ST8SIA2: variants seen among roughly 807,000 people sequenced by gnomAD.
ST8SIA2 encodes the protein ST8 alpha-N-acetyl-neuraminide alpha-2,8-sialyltransferase 2, also known as alpha-2,8-sialyltransferase 8B.
A neutral mutation model predicts 37.6 loss-of-function variants in ST8SIA2; 22 were observed. That is an observed-to-expected ratio of 0.58 (90% CI 0.42 to 0.83). The LOEUF is 0.83. Among genes scored for constraint, ST8SIA2 ranks in the 40% least tolerant of loss-of-function variants. ST8SIA2 has a pLI of 0.00. For synonymous variants in ST8SIA2, 205 were observed against 201.2 expected (o/e 1.02, Z -0.16); for missense variants, 382 against 484.7 (o/e 0.79, Z 1.99).
intron 1 of ST8SIA2, among the ~76,000 whole-genome samples, chr15:92,407,267 C>T (rs1014066851): frequency 6.6e-6 from 1 of 152,174 alleles, no homozygotes; most frequent in African/African-American, 2.4e-5. Flanking sequence ...AGCCTTTAGC[C>T]ATTAGCATAT....
intron 1 of ST8SIA2, among the ~76,000 whole-genome samples, chr15:92,419,739 C>G (rs968209347): frequency 6.6e-6 from 1 of 152,214 alleles, no homozygotes; most frequent in African/African-American, 2.4e-5. Flanking sequence ...CAACTTTTCA[C>G]TAGGTCCAGT....
At chr15:92,447,525 C>T (rs2049850871) in intron 5 of ST8SIA2, among the ~76,000 whole-genome samples, 1 of 152,154 alleles carries the variant, frequency 6.6e-6, no homozygotes, top group Non-Finnish European at 1.5e-5. Context: ...GTACAGACTC[C>T]CCACTGACTG....
intron 1 of ST8SIA2, among the ~76,000 whole-genome samples, chr15:92,401,850 C>T (rs1022487768): frequency 2.6e-5 from 4 of 151,712 alleles, no homozygotes; most frequent in Admixed American, 2.0e-4. Context: ...GATGAAAGAA[C>T]CCCTAGGTCA....
intron 1 of ST8SIA2, among the ~76,000 whole-genome samples, chr15:92,406,521 C>T (rs2049509067): frequency 6.6e-6 from 1 of 152,340 alleles, no homozygotes; most frequent in African/African-American, 2.4e-5. Context: ...CAGTAACAAG[C>T]CCCCAGGTGA....
At chr15:92,394,518 C>A (rs1034506690) in intron 1 of ST8SIA2, among the ~76,000 whole-genome samples, 2 of 151,882 alleles carry the variant, frequency 1.3e-5, no homozygotes, top group East Asian at 1.9e-4. Flanking sequence ...GCGGAGGGGC[C>A]GAGAGTGGAG....
chr15:92,424,800 T>G, intron 1 of ST8SIA2, among the ~76,000 whole-genome samples: 1 of 152,080 alleles, frequency 6.6e-6, no homozygotes, highest in Non-Finnish European at 1.5e-5. Flanking sequence ...TTAGTACAGA[T>G]GGGATTCCAC....
At chr15:92,442,893 C>A (rs1163006585) in intron 4 of ST8SIA2, among the ~76,000 whole-genome samples, 1 of 152,094 alleles carries the variant, frequency 6.6e-6, no homozygotes, top group Admixed American at 6.5e-5. Flanking sequence ...CTGGTGGTTC[C>A]CTTTCTAGCT....
intron 5 of ST8SIA2, among the ~76,000 whole-genome samples, chr15:92,453,503 T>A (rs563565607): frequency 2.0e-5 from 3 of 152,346 alleles, no homozygotes; most frequent in East Asian, 1.9e-4. Context: ...TGCAGAGAGA[T>A]GAACAGCACC....
At chr15:92,403,664 A>G (rs1469506094) in intron 1 of ST8SIA2, among the ~76,000 whole-genome samples, 1 of 152,172 alleles carries the variant, frequency 6.6e-6, no homozygotes, top group African/African-American at 2.4e-5. Context: ...TTAATAATGA[A>G]GGCGGGAGGC....
chr15:92,445,248 G>A (rs2049833800), intron 5 of ST8SIA2: 2 of 457,254 alleles, frequency 4.4e-6, no homozygotes, highest in Admixed American at 3.6e-5. Context: ...AGAGATGGCG[G>A]CTGGCAAGTC....
At chr15:92,445,140 C>A (rs1462086923) in intron 5 of ST8SIA2, 4 of 685,610 alleles carry the variant, frequency 5.8e-6, no homozygotes, top group South Asian at 1.8e-5. Flanking sequence ...CAATTTTGAC[C>A]AATGGGTAGT....
rs377058781 is a variant in ST8SIA2, at chr15:92,455,591, T to A, written c.843-8509T>A. 5.9e-5 allele frequency among the ~76,000 whole-genome samples: 9 copies of A among 152,310 alleles called. No individual in the cohort carries two copies. The East Asian group carries it at 1.7e-3, about 29-fold the overall frequency. On this transcript the variant is annotated intron_variant, in intron 5 of 5. Transcript: ENST00000268164. Reference sequence around the variant, plus strand: ...GTTAAATTCTGGAAAGTATTCCCTATTGACACACACCACCTCATTCTCCTT... The same window carrying A: ...GTTAAATTCTGGAAAGTATTCCCTAATGACACACACCACCTCATTCTCCTT...
intron 5 of ST8SIA2, among the ~76,000 whole-genome samples, chr15:92,455,351 TTCTC>T (rs996310613): frequency 2.0e-5 from 3 of 151,990 alleles, no homozygotes; most frequent in African/African-American, 4.8e-5. Flanking sequence ...GTGTAATGGA[TTCTC>T]TCTCTCTCCA....
At chr15:92,457,526 C>G (rs148100196) in intron 5 of ST8SIA2, among the ~76,000 whole-genome samples, 1 of 152,158 alleles carries the variant, frequency 6.6e-6, no homozygotes, top group Non-Finnish European at 1.5e-5. Flanking sequence ...TAAAGGTGCA[C>G]TGTCAATACA....
In ST8SIA2 at chr15:92,444,773, G is replaced by A. The variant is rs1209306916; in HGVS notation, c.686G>A (p.Arg229Gln). ...ACGTGGCGGGAGAAGCTGCTGCAAC[G>A]GCTGCACAGCCTCAATGGCAGCATC... is the stretch of plus-strand genomic sequence containing the variant. ...NATWREKLLQ[R>Q]LHSLNGSILW... The change falls in exon 5 of 6, where the codon CGG becomes CAG. Residue 229 changes from arginine (R) to glutamine (Q), a missense_variant. Coordinates refer to ENST00000268164, the MANE Select transcript of ST8SIA2 (RefSeq NM_006011.4). 6.2e-7 allele frequency: 1 copy of A among 1,614,114 alleles called. No homozygotes were observed. Among genetic ancestry groups the A allele is most frequent in the Non-Finnish European group, 8.5e-7 (1 of 1,180,032 alleles).
rs1360688642 is a variant in ST8SIA2, at chr15:92,431,289, C to CT, written c.161+1179dup. On this transcript the variant is annotated intron_variant, in intron 2 of 5. Coordinates refer to ENST00000268164, the MANE Select transcript of ST8SIA2 (RefSeq NM_006011.4). ...GTATGAGAAGTGGAAAAAAACAGTC[C>CT]TGGGAGCCAGGCAGCCCTGGCCTCA... is the stretch of plus-strand genomic sequence containing the variant. Among the ~76,000 whole-genome samples, 10 of 152,290 alleles carry CT rather than the reference C, an allele frequency of 6.6e-5. No homozygotes were observed. The East Asian group carries it at 1.7e-3, about 26-fold the overall frequency.
chr15:92,454,148 TATTATCTAG>T (rs2049902537), intron 5 of ST8SIA2, among the ~76,000 whole-genome samples: 2 of 152,142 alleles, frequency 1.3e-5, no homozygotes, highest in African/African-American at 4.8e-5. Context: ...CGACAGAATG[TATTATCTAG>T]CAGTTCTGGG....
intron 1 of ST8SIA2, among the ~76,000 whole-genome samples, chr15:92,407,618 A>G (rs556794323): frequency 3.3e-5 from 5 of 152,306 alleles, no homozygotes; most frequent in Admixed American, 6.5e-5. Context: ...CCTGCGGTCC[A>G]GTTCCAAACT....
intron 5 of ST8SIA2, among the ~76,000 whole-genome samples, chr15:92,448,413 G>A (rs1353452291): frequency 1.3e-5 from 2 of 152,214 alleles, no homozygotes; most frequent in Non-Finnish European, 2.9e-5. Flanking sequence ...TGGAGGAATG[G>A]GCTGGGGAGG....
Sources: allele counts gnomAD v4.1 joint callset (sites outside exome capture counted in the v4.1 genomes callset), GRCh38; gene constraint gnomAD v4.1.1; transcripts MANE v1.5; gene names NCBI Gene and HGNC (gene_info 2026-07-23, HGNC 2026-07-21).